Variants in DOCK1 observed in about 807,000 individuals in gnomAD.
The protein encoded by DOCK1 is dedicator of cytokinesis 1.
Under a neutral mutation model 262.7 loss-of-function variants are expected in DOCK1, and 138 were observed. The ratio of observed to expected loss-of-function variants is 0.53; its 90% CI spans 0.46 to 0.61. DOCK1 has a LOEUF of 0.61. DOCK1 is among the 20% of genes least tolerant of loss of function. The probability of loss-of-function intolerance (pLI) is 0.00; values close to 1 mark genes in which losing one functional copy is unlikely to be tolerated. For missense variants in DOCK1, 1,908 were observed against 2,370.7 expected (o/e 0.80, Z 4.05); for synonymous variants, 866 against 867.4 (o/e 1.00, Z 0.03).
At chr10:127,231,308 C>G (rs957821790) in intron 27 of DOCK1, among the ~76,000 whole-genome samples, 1 of 150,962 alleles carries the variant, frequency 6.6e-6, no homozygotes, top group African/African-American at 2.4e-5. Flanking sequence ...TTTGAAAATA[C>G]GAATTCAGTA....
intron 32 of DOCK1, among the ~76,000 whole-genome samples, chr10:127,361,576 T>C (rs1032856312): frequency 9.9e-5 from 15 of 152,166 alleles, no homozygotes; most frequent in African/African-American, 3.4e-4. Context: ...TTTACAGAGG[T>C]GTCAGATAGC....
intron 27 of DOCK1, among the ~76,000 whole-genome samples, chr10:127,201,693 C>T (rs946906043): frequency 6.6e-6 from 1 of 152,142 alleles, no homozygotes; most frequent in Non-Finnish European, 1.5e-5. Context: ...CCTCTCCCCT[C>T]ACAATCCCTC....
intron 27 of DOCK1, among the ~76,000 whole-genome samples, chr10:127,200,008 C>A (rs1032176253): frequency 3.3e-5 from 5 of 152,222 alleles, no homozygotes; most frequent in Admixed American, 6.5e-5. Context: ...AGCTACACAG[C>A]AGAACTTCCT....
chr10:127,313,096 A>G (rs757537086), intron 29 of DOCK1, among the ~76,000 whole-genome samples: 13 of 151,966 alleles, frequency 8.6e-5, no homozygotes, highest in Non-Finnish European at 1.6e-4. Flanking sequence ...GCTAGACATC[A>G]TGACTCAGCC....
chr10:127,105,910 C>T (rs1050457618), intron 23 of DOCK1, among the ~76,000 whole-genome samples: 1 of 152,110 alleles, frequency 6.6e-6, no homozygotes, highest in Non-Finnish European at 1.5e-5. Flanking sequence ...CAGGTGCAAG[C>T]CACCAATGCC....
At chr10:126,905,794 T>G (rs1265771031) in intron 1 of DOCK1, among the ~76,000 whole-genome samples, 20 of 121,204 alleles carry the variant, frequency 1.7e-4, no homozygotes, top group Middle Eastern at 4.1e-3. Flanking sequence ...CACGAGGGGG[T>G]GGGGTGGGAA....
Position 127,175,263 on chromosome 10 carries a change from A to G in DOCK1, c.2847+47499A>G. 1.2e-6 allele frequency: 2 copies of G among 1,614,066 alleles called. No individual in the cohort carries two copies. Among genetic ancestry groups the G allele is most frequent in the Non-Finnish European group, 1.7e-6 (2 of 1,180,012 alleles). On this transcript the variant is annotated intron_variant, in intron 27 of 51. Transcript: ENST00000623213. The surrounding 1 kb of genome is among the most constrained non-coding windows in gnomAD (Gnocchi z 6.3). ...CAACTCCTGAATGACCCCCAAGAGC[A>G]CTTTGATGGTTTCTTGGCTTGAACT...
rs532588929 is a variant in DOCK1 at position 127,078,704 on chromosome 10, C to T, written c.2445+16928C>T. ...AAATTGTGGAACCAGCCCAAATGCC[C>T]ATCAGTCAACAAGTAGATAAAGAAC... On this transcript the variant is annotated intron_variant, in intron 23 of 51. Transcript: ENST00000623213. 1.3e-5 allele frequency among the ~76,000 whole-genome samples: 2 copies of T among 152,244 alleles called. 1 individual carries two copies. Among genetic ancestry groups the T allele is most frequent in the African/African-American group, 4.8e-5 (2 of 41,550 alleles).
intron 18 of DOCK1, among the ~76,000 whole-genome samples, chr10:127,034,276 C>T (rs2043435545): frequency 6.6e-6 from 1 of 152,136 alleles, no homozygotes; most frequent in Non-Finnish European, 1.5e-5. Context: ...TCACATCTTA[C>T]GTGGATGGCC....
chr10:127,432,088 C>G (rs186582361), intron 47 of DOCK1, among the ~76,000 whole-genome samples: 46 of 152,332 alleles, frequency 3.0e-4, no homozygotes, highest in African/African-American at 1.1e-3. Context: ...GCAACAGTTT[C>G]ATCCTGAAAC....
intron 27 of DOCK1, among the ~76,000 whole-genome samples, chr10:127,219,619 T>C (rs11016808): frequency 0.21 from 32,419 of 152,138 alleles, 3,740 homozygotes; most frequent in South Asian, 0.38. Flanking sequence ...TCTCTACCCA[T>C]TAAATAACAA....
chr10:127,175,702 G>T lies in DOCK1; in HGVS notation c.2847+47938G>T, dbSNP rs372417174. 3.1e-6 allele frequency: 5 copies of T among 1,613,816 alleles called. No homozygotes were observed. The highest frequency in any genetic ancestry group is 3.4e-6 in the Non-Finnish European group (4 of 1,179,982). On this transcript the variant is annotated intron_variant, in intron 27 of 51. Coordinates refer to ENST00000623213, the MANE Select transcript of DOCK1 (RefSeq NM_001290223.2). The surrounding 1 kb of genome is among the most constrained non-coding windows in gnomAD (Gnocchi z 6.3). ...GGCTCCTCGGAGTTTGGCCTCCCCCGGTCCTGCTTGGCCCTCCCGAGCAGC... is the reference window on the plus strand; with the variant it reads ...GGCTCCTCGGAGTTTGGCCTCCCCCTGTCCTGCTTGGCCCTCCCGAGCAGC...
intron 27 of DOCK1, among the ~76,000 whole-genome samples, chr10:127,171,078 T>C (rs1399376690): frequency 3.9e-5 from 6 of 152,242 alleles, no homozygotes. Context: ...TTGTAGATAC[T>C]GTATTTCAGT....
At chr10:127,078,118 C>T (rs936305736) in intron 23 of DOCK1, among the ~76,000 whole-genome samples, 2 of 151,898 alleles carry the variant, frequency 1.3e-5, no homozygotes, top group African/African-American at 4.8e-5. Flanking sequence ...GACATATGGG[C>T]TTATTTATTT....
intron 14 of DOCK1, among the ~76,000 whole-genome samples, 175 bp from the exon 15 acceptor site, chr10:127,024,510 C>T (rs2042686230): frequency 6.6e-6 from 1 of 152,156 alleles, no homozygotes; most frequent in Non-Finnish European, 1.5e-5. Flanking sequence ...GGGGTTGGAG[C>T]TGGCCGCTGG....
intron 1 of DOCK1, among the ~76,000 whole-genome samples, chr10:126,923,968 T>A (rs2033456522): frequency 1.3e-5 from 2 of 152,212 alleles, no homozygotes. Context: ...TTTCCCAGCC[T>A]CCACAACTGT....
intron 33 of DOCK1, among the ~76,000 whole-genome samples, chr10:127,362,493 C>T (rs535163493): frequency 6.6e-6 from 1 of 152,320 alleles, no homozygotes; most frequent in South Asian, 2.1e-4. Context: ...AAGTCTCTTG[C>T]TCCCACTTCT....
chr10:127,197,835 T>G (rs1431131789), intron 27 of DOCK1, among the ~76,000 whole-genome samples: 1 of 152,152 alleles, frequency 6.6e-6, no homozygotes, highest in Non-Finnish European at 1.5e-5. Context: ...ATAAATGACT[T>G]TATACGAAAT....
In DOCK1 at chr10:127,127,664, C is replaced by G. The variant is rs1379204460; in HGVS notation, c.2752-5C>G. 2 of 1,609,996 alleles carry G rather than the reference C, an allele frequency of 1.2e-6. No individual in the cohort carries two copies. Among genetic ancestry groups the G allele is most frequent in the Non-Finnish European group, 1.7e-6 (2 of 1,177,020 alleles). The stretch of plus-strand genomic sequence containing the variant: ...GTTGGTGTTCATTGGTGTGTCCTTC[C>G]CCAGGGGCCAACCCAGAGGCACGTC... On this transcript the variant is annotated splice_region_variant and splice_polypyrimidine_tract_variant and intron_variant, in intron 26 of 51. Transcript: ENST00000623213.
Sources: gnomAD v4.1 joint callset for allele counts (sites outside exome capture counted in the v4.1 genomes callset) on GRCh38, gnomAD v4.1.1 for gene constraint, Gnocchi (gnomAD v3.1) non-coding constraint, MANE v1.5 for transcripts, NCBI Gene and HGNC (gene_info 2026-07-23, HGNC 2026-07-21) for gene names.